IGF2BP1: variants seen among roughly 807,000 people sequenced by gnomAD.
IGF2BP1 encodes the protein insulin-like growth factor 2 mRNA-binding protein 1.
In IGF2BP1, 11 loss-of-function variants were observed where a neutral mutation model predicts 74.9. The observed-to-expected ratio is 0.15, with a 90% confidence interval of 0.09 to 0.24. IGF2BP1 has a LOEUF of 0.24. IGF2BP1 is among the 10% of genes least tolerant of loss of function. IGF2BP1 has a pLI of 1.00. For synonymous variants in IGF2BP1, 287 were observed against 281.8 expected, an observed-to-expected ratio of 1.02 and a Z score of -0.18; for missense variants, 440 against 757.4, an observed-to-expected ratio of 0.58 and a Z score of 4.92.
intron 5 of IGF2BP1, among the ~76,000 whole-genome samples, chr17:49,035,872 C>G (rs775985612): frequency 2.6e-5 from 4 of 152,198 alleles, no homozygotes; most frequent in African/African-American, 7.2e-5. Context: ...GGGCAAAAGC[C>G]CCAACTGGCT....
Position 49,053,977 on chromosome 17 carries a change from C to T in IGF2BP1, c.*4533C>T, listed in dbSNP as rs944382454. 3 of 152,682 alleles carry T rather than the reference C, an allele frequency of 2.0e-5. No individual in the cohort carries two copies. The highest frequency in any genetic ancestry group is 4.4e-5 in the Non-Finnish European group (3 of 68,056). 9.5% of individuals were successfully genotyped at this position (152,682 alleles called of 1,614,324 possible). ...GATTGAAGAAAAATCCTCATCAATGCCAGGGGACATAAAAGCCATTTCCCT... is the reference window on the plus strand; with the variant it reads ...GATTGAAGAAAAATCCTCATCAATGTCAGGGGACATAAAAGCCATTTCCCT... On this transcript the variant is annotated 3_prime_UTR_variant, in exon 15 of 15. Coordinates refer to ENST00000290341, the MANE Select transcript of IGF2BP1 (RefSeq NM_006546.4).
intron 2 of IGF2BP1, chr17:49,012,568 C>T (rs1366541314): frequency 6.6e-6 from 1 of 152,142 alleles, no homozygotes; most frequent in East Asian, 1.9e-4. Context: ...GATCCACCCC[C>T]TCTTTGTTTG....
chr17:48,998,386 GTCC>G (rs933400145), intron 1 of IGF2BP1, among the ~76,000 whole-genome samples: 14 of 152,246 alleles, frequency 9.2e-5, no homozygotes, highest in Non-Finnish European at 1.9e-4. Context: ...CCTGCGATCT[GTCC>G]GCTTCGCGTG....
intron 6 of IGF2BP1, among the ~76,000 whole-genome samples, chr17:49,038,971 G>A (rs552394900): frequency 8.0e-5 from 12 of 149,342 alleles, no homozygotes; most frequent in Non-Finnish European, 1.5e-4. Flanking sequence ...TCTGCCTCCC[G>A]GGTTCAAGCA....
intron 2 of IGF2BP1, among the ~76,000 whole-genome samples, chr17:49,025,414 C>A (rs2041841002): frequency 6.6e-6 from 1 of 150,462 alleles, no homozygotes; most frequent in Non-Finnish European, 1.5e-5. Flanking sequence ...GGTATGGTAG[C>A]ATCCATGATA....
chr17:49,015,844 G>A (rs1033734529), intron 2 of IGF2BP1, among the ~76,000 whole-genome samples: 6 of 152,178 alleles, frequency 3.9e-5, no homozygotes, highest in Non-Finnish European at 7.4e-5. Context: ...ATTGAGCAAA[G>A]TATTCATGCT....
intron 1 of IGF2BP1, 86 bp from the exon 2 acceptor site, chr17:48,999,023 A>C: frequency 1.2e-6 from 1 of 802,506 alleles, no homozygotes; most frequent in Non-Finnish European, 2.1e-6. Context: ...TAACTCCTGA[A>C]TTATCCTAGT....
rs1315143489 is a variant in IGF2BP1, at chr17:49,031,897, C to CT, written c.338-9dup. ...TTTCCCTGCTCTGAGGTTATCCTCTCTTTTCTCTGCAGTGAACACCGAGAG... is the reference window on the plus strand; with the variant it reads ...TTTCCCTGCTCTGAGGTTATCCTCTCTTTTTCTCTGCAGTGAACACCGAGAG... On this transcript the variant is annotated splice_polypyrimidine_tract_variant and intron_variant, in intron 4 of 14. Coordinates refer to ENST00000290341, the MANE Select transcript of IGF2BP1 (RefSeq NM_006546.4). 1 of 1,612,486 alleles carries CT rather than the reference C, an allele frequency of 6.2e-7. No individual in the cohort carries two copies. Among genetic ancestry groups the CT allele is most frequent in the African/African-American group, 1.3e-5 (1 of 74,702 alleles).
chr17:49,039,024 CGT>C, intron 6 of IGF2BP1, among the ~76,000 whole-genome samples: 1 of 151,574 alleles, frequency 6.6e-6, no homozygotes, highest in South Asian at 2.1e-4. Context: ...ATTACAGGCG[CGT>C]GCCACCATGC....
At chr17:49,036,282 C>T (rs942383341) in intron 5 of IGF2BP1, 1 of 152,030 alleles carries the variant, frequency 6.6e-6, no homozygotes, top group Non-Finnish European at 1.5e-5. Flanking sequence ...GATTGTGGCC[C>T]CAGAGCCAAG....
At chr17:48,999,239 T>A (rs561927842) in intron 2 of IGF2BP1, 70 bp downstream of exon 2, 1 of 906,750 alleles carries the variant, frequency 1.1e-6, no homozygotes, top group Non-Finnish European at 1.8e-6. Flanking sequence ...TGTTCAGGGG[T>A]CCATAGCGTC....
At chr17:49,026,392 A>T (rs1477757408) in intron 3 of IGF2BP1, 74 bp from the exon 4 acceptor site, 11 of 1,315,230 alleles carry the variant, frequency 8.4e-6, no homozygotes, top group South Asian at 1.2e-5. Flanking sequence ...TTTGGGATGC[A>T]GGGTGTCCAG....
intron 6 of IGF2BP1, among the ~76,000 whole-genome samples, chr17:49,039,186 T>C (rs2042021857): frequency 6.6e-6 from 1 of 152,082 alleles, no homozygotes; most frequent in African/African-American, 2.4e-5. Flanking sequence ...TTTTCTCTAA[T>C]CTTTATATCT....
At chr17:49,036,894 C>T (rs1159858128) in intron 5 of IGF2BP1, 2 of 164,050 alleles carry the variant, frequency 1.2e-5, no homozygotes, top group African/African-American at 2.4e-5. Context: ...GCCGAGATCA[C>T]GCCATTGCAC....
chr17:49,045,789 C>T, intron 12 of IGF2BP1, 101 bp from the exon 13 acceptor site: 1 of 1,293,764 alleles, frequency 7.7e-7, no homozygotes, highest in Non-Finnish European at 1.1e-6. Context: ...ATGGGGAGGG[C>T]CTGTGGGCCA....
At chr17:49,008,450 TTTTTAGAATAG>T (rs1283568218) in intron 2 of IGF2BP1, among the ~76,000 whole-genome samples, 3 of 152,228 alleles carry the variant, frequency 2.0e-5, no homozygotes, top group African/African-American at 7.2e-5. Context: ...TGCTGTTGGC[TTTTTAGAATAG>T]AGTGGAGTGA....
chr17:49,035,621 G>A (rs991174965), intron 5 of IGF2BP1, among the ~76,000 whole-genome samples: 1 of 152,182 alleles, frequency 6.6e-6, no homozygotes, highest in Non-Finnish European at 1.5e-5. Context: ...CCCTGCGGGC[G>A]TGCACCTGCA....
intron 1 of IGF2BP1, 123 bp downstream of exon 1, chr17:48,998,043 A>T (rs1464250692): frequency 1.8e-6 from 2 of 1,085,176 alleles, no homozygotes; most frequent in African/African-American, 3.2e-5. Flanking sequence ...TGGCCTCCGT[A>T]CCCACCCTCG....
chr17:49,049,354 G>A lies in IGF2BP1; in HGVS notation c.1644G>A (p.Met548Ile). ...TCTCTTGCCTGTTCTTGCTGCAGAT[G>A]GCTCAACGGAAGATCCGAGACATCC... ...KIIGHFYASQ[M>I]AQRKIRDILA... Residue 548 changes from methionine (M) to isoleucine (I), a missense_variant and splice_region_variant, in exon 15 of 15, where the codon ATG (methionine) becomes ATA (isoleucine). Coordinates refer to ENST00000290341, the MANE Select transcript of IGF2BP1 (RefSeq NM_006546.4). 6.8e-6 allele frequency: 11 copies of A among 1,614,044 alleles called. No homozygotes were observed. Among genetic ancestry groups the A allele is most frequent in the Non-Finnish European group, 9.3e-6 (11 of 1,179,944 alleles).
Sources: gnomAD v4.1 joint callset for allele counts (sites outside exome capture counted in the v4.1 genomes callset) on GRCh38, gnomAD v4.1.1 for gene constraint, MANE v1.5 for transcripts, NCBI Gene and HGNC (gene_info 2026-07-23, HGNC 2026-07-21) for gene names.